Variants in FOXP2 observed in about 807,000 individuals in gnomAD.
The protein encoded by FOXP2 is forkhead box P2.
Under a neutral mutation model 115.8 loss-of-function variants are expected in FOXP2, and 12 were observed. The ratio of observed to expected loss-of-function variants is 0.10; its 90% confidence interval spans 0.07 to 0.17. FOXP2 has a LOEUF of 0.17. FOXP2 is among the 10% of genes least tolerant of loss of function. FOXP2 has a pLI of 1.00. For missense variants in FOXP2, 629 were observed against 843.5 expected (o/e 0.75, Z 3.15); for synonymous variants, 328 against 297.7 (o/e 1.10, Z -1.05).
chr7:114,377,840 T>A (rs1212382884), intron 2 of FOXP2, among the ~76,000 whole-genome samples: 3 of 152,244 alleles, frequency 2.0e-5, no homozygotes, highest in African/African-American at 7.2e-5. Context: ...AGAGGAAAGC[T>A]CGTGTCTGCC....
At chr7:114,594,475 G>A (rs945690163) in intron 3 of FOXP2, among the ~76,000 whole-genome samples, 6 of 152,060 alleles carry the variant, frequency 3.9e-5, no homozygotes, top group African/African-American at 1.2e-4. Context: ...ATATTGTTGA[G>A]CAGGGAAGTA....
chr7:114,541,485 T>C (rs1187154871), intron 3 of FOXP2, among the ~76,000 whole-genome samples: 1 of 152,052 alleles, frequency 6.6e-6, no homozygotes, highest in Non-Finnish European at 1.5e-5. Flanking sequence ...GAGAACATTT[T>C]TGCATAAACA....
chr7:114,331,761 G>A lies in FOXP2; in HGVS notation c.-11+43652G>A, dbSNP rs1190474822. ...TGGCTTACTGCAGCTTCTGCCTCCC[G>A]GGTTCAAGTGATTTTCTTGCATTAC... On this transcript the variant is annotated intron_variant, in intron 2 of 17. Transcript: ENST00000634411. Among the ~76,000 whole-genome samples, 12 of 151,242 alleles carry A rather than the reference G, an allele frequency of 7.9e-5. No individual in the cohort carries two copies. In the East Asian group the frequency reaches 1.6e-3, roughly 20 times the overall value.
chr7:114,189,480 C>T (rs1793699267), intron 1 of FOXP2, among the ~76,000 whole-genome samples: 1 of 152,130 alleles, frequency 6.6e-6, no homozygotes, highest in South Asian at 2.1e-4. Context: ...CTTTTCCCAT[C>T]TCTCTTTTTG....
intron 2 of FOXP2, among the ~76,000 whole-genome samples, chr7:114,522,283 T>TA (rs1199069099): frequency 6.6e-6 from 1 of 152,132 alleles, no homozygotes; most frequent in Non-Finnish European, 1.5e-5. Flanking sequence ...AAAAGCTTGT[T>TA]AAAAAAACAG....
At chr7:114,674,192 A>C (rs1807639606) in intron 16 of FOXP2, among the ~76,000 whole-genome samples, 1 of 152,244 alleles carries the variant, frequency 6.6e-6, no homozygotes, top group Admixed American at 6.5e-5. Context: ...TTTAGAAAAT[A>C]GACTAAGGGA....
At chr7:114,444,139 T>A (rs757648044) in intron 2 of FOXP2, among the ~76,000 whole-genome samples, 4 of 152,172 alleles carry the variant, frequency 2.6e-5, no homozygotes, top group African/African-American at 4.8e-5. Context: ...CAAAAGAACC[T>A]AGTGTCACTA....
At chr7:114,500,116 T>C (rs1009104150) in intron 2 of FOXP2, among the ~76,000 whole-genome samples, 1 of 148,508 alleles carries the variant, frequency 6.7e-6, no homozygotes, top group African/African-American at 2.5e-5. Context: ...CTTGGGAGGC[T>C]GAGGCAGGAG....
intron 1 of FOXP2, among the ~76,000 whole-genome samples, chr7:114,108,043 T>C (rs756101180): frequency 3.8e-4 from 58 of 152,128 alleles, no homozygotes; most frequent in Admixed American, 1.0e-3. Context: ...TTTTGTGATG[T>C]AACAAAAGTT....
intron 1 of FOXP2, among the ~76,000 whole-genome samples, chr7:114,279,040 G>A (rs766467069): frequency 1.3e-5 from 2 of 152,134 alleles, no homozygotes; most frequent in Non-Finnish European, 2.9e-5. Context: ...CTCGGTGTTG[G>A]TAGAACTTTT....
intron 3 of FOXP2, among the ~76,000 whole-genome samples, chr7:114,535,235 G>C (rs1011157738): frequency 1.7e-4 from 26 of 151,506 alleles, no homozygotes; most frequent in Admixed American, 3.3e-4. Context: ...TGTTTGTCCT[G>C]TGAAACTGAT....
intron 2 of FOXP2, among the ~76,000 whole-genome samples, chr7:114,445,824 C>T (rs903840464): frequency 6.6e-6 from 1 of 151,964 alleles, no homozygotes; most frequent in Admixed American, 6.6e-5. Flanking sequence ...TAAGAAATTA[C>T]CTTCAGATAA....
chr7:114,155,736 A>T (rs567178086), intron 1 of FOXP2, among the ~76,000 whole-genome samples: 2 of 152,150 alleles, frequency 1.3e-5, no homozygotes, highest in African/African-American at 2.4e-5. Context: ...GGCATAAGGC[A>T]GGAGACACCG....
At chr7:114,183,680 T>A (rs1308449313) in intron 1 of FOXP2, among the ~76,000 whole-genome samples, 1 of 152,198 alleles carries the variant, frequency 6.6e-6, no homozygotes, top group Non-Finnish European at 1.5e-5. Flanking sequence ...GAAATGTGTA[T>A]TGTACATGAT....
At chr7:114,376,207 A>G (rs1196818785) in intron 2 of FOXP2, among the ~76,000 whole-genome samples, 2 of 152,370 alleles carry the variant, frequency 1.3e-5, no homozygotes, top group African/African-American at 4.8e-5. Flanking sequence ...TTATCTGGTT[A>G]GAAGTCCAAA....
At chr7:114,422,772 G>T (rs1490211211) in intron 1 of FOXP2, among the ~76,000 whole-genome samples, 1 of 151,020 alleles carries the variant, frequency 6.6e-6, no homozygotes, top group South Asian at 2.1e-4. Context: ...TAGGATACAT[G>T]CAGGTTTCTG....
chr7:114,246,192 T>A (rs996651271), intron 1 of FOXP2, among the ~76,000 whole-genome samples: 1 of 151,936 alleles, frequency 6.6e-6, no homozygotes, highest in African/African-American at 2.4e-5. Context: ...GTTAAGCACT[T>A]TTTTTTTCTA....
intron 3 of FOXP2, among the ~76,000 whole-genome samples, chr7:114,623,724 A>G (rs1162494381): frequency 6.6e-6 from 1 of 151,932 alleles, no homozygotes; most frequent in African/African-American, 2.4e-5. Context: ...AACAGGAAAC[A>G]CTTTGCTTTA....
intron 16 of FOXP2, chr7:114,668,484 T>C (rs771570455): frequency 3.3e-5 from 5 of 152,200 alleles, no homozygotes; most frequent in Non-Finnish European, 7.3e-5. Context: ...GGTTCCCCTC[T>C]ACTCTCTTAC....
Sources: gnomAD v4.1 joint callset for allele counts (sites outside exome capture counted in the v4.1 genomes callset) on GRCh38, gnomAD v4.1.1 for gene constraint, MANE v1.5 for transcripts, NCBI Gene and HGNC (gene_info 2026-07-23, HGNC 2026-07-21) for gene names.